Variants in NEGR1 observed in about 807,000 individuals in gnomAD.
NEGR1 encodes the protein IgLON family member 4.
In NEGR1, 10 loss-of-function variants were observed where a neutral mutation model predicts 40.9. The ratio of observed to expected loss-of-function variants is 0.24; its 90% confidence interval spans 0.15 to 0.42. The LOEUF (loss-of-function observed/expected upper bound fraction) is 0.42, where lower values mean the gene tolerates loss of function less well. Among genes scored for constraint, NEGR1 ranks in the 10% least tolerant of loss-of-function variants. NEGR1 has a pLI of 1.00. For missense variants in NEGR1, 352 were observed against 438.9 expected (o/e 0.80, Z 1.77); for synonymous variants, 185 against 166.8 (o/e 1.11, Z -0.84).
rs1649403899 is a variant in NEGR1, at chr1:72,112,283, C to T, written c.176+170036G>A. On this transcript the variant is annotated intron_variant, in intron 1 of 6. Transcript: ENST00000357731. ...TTTACGTTTAAAAAAAAAATCTACC[C>T]CTTTGGCTTATTTTTCTCTACATAA... 4.6e-5 allele frequency among the ~76,000 whole-genome samples: 7 copies of T among 150,940 alleles called. No individual in the cohort carries two copies. In the South Asian group the frequency reaches 1.5e-3, roughly 32 times the overall value.
chr1:71,773,039 T>TG (rs1332069660), intron 3 of NEGR1, among the ~76,000 whole-genome samples: 1 of 152,186 alleles, frequency 6.6e-6, no homozygotes, highest in Admixed American at 6.6e-5. Context: ...TGTTTTTTTT[T>TG]GGTGAAAGTA....
chr1:71,950,448 A>T (rs1646059523), intron 1 of NEGR1, among the ~76,000 whole-genome samples: 1 of 151,964 alleles, frequency 6.6e-6, no homozygotes, highest in South Asian at 2.1e-4. Context: ...TGCTCCCTAA[A>T]ATTCTATTTT....
chr1:71,959,799 A>AT (rs991164596), intron 1 of NEGR1, among the ~76,000 whole-genome samples: 2 of 151,980 alleles, frequency 1.3e-5, no homozygotes, highest in South Asian at 2.1e-4. Flanking sequence ...TTATATTATT[A>AT]TTTTTTCAAT....
intron 6 of NEGR1, among the ~76,000 whole-genome samples, chr1:71,558,724 T>C (rs909763251): frequency 6.8e-3 from 375 of 55,390 alleles, no homozygotes; most frequent in Admixed American, 0.015. Context: ...TTTTCTTTCT[T>C]TTTTTTTTTT....
At chr1:72,259,885 T>C (rs1382967047) in intron 1 of NEGR1, among the ~76,000 whole-genome samples, 1 of 152,112 alleles carries the variant, frequency 6.6e-6, no homozygotes, top group African/African-American at 2.4e-5. Context: ...ACCTTTTCTT[T>C]TACTATTCTT....
intron 4 of NEGR1, among the ~76,000 whole-genome samples, chr1:71,637,934 C>T: frequency 6.6e-6 from 1 of 152,036 alleles, no homozygotes; most frequent in East Asian, 1.9e-4. Flanking sequence ...CAAAACAGCA[C>T]TAAATTCTCT....
chr1:71,645,617 T>A (rs564772258), intron 4 of NEGR1, among the ~76,000 whole-genome samples: 1 of 152,002 alleles, frequency 6.6e-6, no homozygotes, highest in African/African-American at 2.4e-5. Context: ...GTTTTTAAAA[T>A]ATTAAGTAGA....
intron 6 of NEGR1, among the ~76,000 whole-genome samples, chr1:71,578,303 A>G (rs1291910491): frequency 6.6e-6 from 1 of 152,118 alleles, no homozygotes; most frequent in Non-Finnish European, 1.5e-5. Context: ...AAAACAACTA[A>G]CATGCAAAGG....
In NEGR1 at chr1:71,622,654, T is replaced by C. The variant is rs192588052; in HGVS notation, c.668-11508A>G. ...CATGGTATGCCATCAAAGACTCACA[T>C]TGATCTCTCAAAATGTGAATGAGCC... On this transcript the variant is annotated intron_variant, in intron 4 of 6. Coordinates refer to ENST00000357731, the MANE Select transcript of NEGR1 (RefSeq NM_173808.3). Among the ~76,000 whole-genome samples the C allele has an allele frequency of 2.6e-4, 39 of 152,032 alleles. No individual in the cohort carries two copies. The East Asian group carries it at 5.2e-3, about 20-fold the overall frequency.
intron 6 of NEGR1, among the ~76,000 whole-genome samples, chr1:71,582,980 C>G (rs1338461831): frequency 6.6e-6 from 1 of 152,102 alleles, no homozygotes; most frequent in Non-Finnish European, 1.5e-5. Context: ...TTGGGCTTCC[C>G]TATTCAGAGG....
intron 1 of NEGR1, among the ~76,000 whole-genome samples, chr1:71,996,131 C>T (rs1015873982): frequency 4.6e-5 from 7 of 151,816 alleles, no homozygotes; most frequent in Non-Finnish European, 1.0e-4. Context: ...TTTTTTTGCA[C>T]CACTGGATGT....
intron 1 of NEGR1, among the ~76,000 whole-genome samples, chr1:71,975,289 G>C (rs1646292218): frequency 6.6e-6 from 1 of 152,086 alleles, no homozygotes; most frequent in Non-Finnish European, 1.5e-5. Flanking sequence ...TATTTCTTCT[G>C]ATTTCCTTTG....
intron 1 of NEGR1, among the ~76,000 whole-genome samples, chr1:71,971,706 T>G (rs1431977131): frequency 1.3e-5 from 2 of 152,236 alleles, no homozygotes; most frequent in African/African-American, 4.8e-5. Flanking sequence ...CAATATTTGA[T>G]GTTAAAATAT....
intron 2 of NEGR1, among the ~76,000 whole-genome samples, chr1:71,786,101 G>T (rs1298752140): frequency 6.6e-6 from 1 of 151,748 alleles, no homozygotes; most frequent in Non-Finnish European, 1.5e-5. Flanking sequence ...TCACTGAAAA[G>T]AATGTAGACA....
chr1:71,495,632 A>G (rs946087457), intron 6 of NEGR1, among the ~76,000 whole-genome samples: 1 of 152,228 alleles, frequency 6.6e-6, no homozygotes, highest in African/African-American at 2.4e-5. Flanking sequence ...TGGAGGTAAC[A>G]TATTAAGCTG....
intron 1 of NEGR1, among the ~76,000 whole-genome samples, chr1:72,041,665 T>G (rs1646955503): frequency 6.7e-6 from 1 of 150,100 alleles, no homozygotes; most frequent in Non-Finnish European, 1.5e-5. Context: ...TGATTTTTGT[T>G]GAAATGATTT....
chr1:71,986,828 G>T (rs769194036), intron 1 of NEGR1, among the ~76,000 whole-genome samples: 11 of 152,192 alleles, frequency 7.2e-5, no homozygotes, highest in Non-Finnish European at 1.2e-4. Context: ...TCCTGTCAGA[G>T]ATTTCTCACA....
At chr1:72,199,501 T>C (rs916972277) in intron 1 of NEGR1, among the ~76,000 whole-genome samples, 2 of 152,008 alleles carry the variant, frequency 1.3e-5, no homozygotes, top group Non-Finnish European at 2.9e-5. Flanking sequence ...ATTCGCAGGT[T>C]TCCTATCCCA....
chr1:71,843,378 A>C (rs904525019), intron 2 of NEGR1, among the ~76,000 whole-genome samples: 1 of 152,200 alleles, frequency 6.6e-6, no homozygotes, highest in African/African-American at 2.4e-5. Flanking sequence ...ATTTAAAATA[A>C]GTCCATTTCC....
Sources: allele counts gnomAD v4.1 joint callset (sites outside exome capture counted in the v4.1 genomes callset), GRCh38; gene constraint gnomAD v4.1.1; transcripts MANE v1.5; gene names NCBI Gene and HGNC (gene_info 2026-07-23, HGNC 2026-07-21).